GABBR2: variants seen among roughly 807,000 people sequenced by gnomAD.
GABBR2 encodes G-protein coupled receptor 51.
In GABBR2, 23 loss-of-function variants were observed where a neutral mutation model predicts 105.6. That is an observed-to-expected ratio of 0.22 (90% CI 0.16 to 0.31). GABBR2 has a LOEUF of 0.31. GABBR2 is among the 10% of genes least tolerant of loss of function. GABBR2 has a pLI of 1.00. For missense variants in GABBR2, 734 were observed against 1,245.5 expected (o/e 0.59, Z 6.18); for synonymous variants, 478 against 499.7 (o/e 0.96, Z 0.58).
rs146020294 is a variant in GABBR2 at position 98,694,470 on chromosome 9, C to G, written c.321+13947G>C. Among the ~76,000 whole-genome samples the G allele has an allele frequency of 4.9e-3, 746 of 152,320 alleles. 3 individuals are homozygous for G. The highest frequency in any genetic ancestry group is 0.013 in the Admixed American group (194 of 15,304). On this transcript the variant is annotated intron_variant, in intron 1 of 18. Coordinates refer to ENST00000259455, the MANE Select transcript of GABBR2 (RefSeq NM_005458.8). ...TGTTCTAGATTCTTCGGTAAGACAG[C>G]CTGCTAGGGTCACAGAACCTCAGTT...
At chr9:98,380,031 T>A (rs906664924) in intron 11 of GABBR2, among the ~76,000 whole-genome samples, 2 of 152,154 alleles carry the variant, frequency 1.3e-5, no homozygotes, top group African/African-American at 2.4e-5. Context: ...TGCTTTCTAA[T>A]GAAACATCTC....
At chr9:98,607,304 A>C (rs575370595) in intron 1 of GABBR2, 5 of 838,534 alleles carry the variant, frequency 6.0e-6, no homozygotes, top group Non-Finnish European at 1.0e-5. Context: ...ATAACGGTGT[A>C]GCGTTGTTTA....
chr9:98,487,308 C>T (rs546133170), intron 4 of GABBR2, among the ~76,000 whole-genome samples: 2 of 152,188 alleles, frequency 1.3e-5, no homozygotes, highest in South Asian at 4.2e-4. Flanking sequence ...TGGCAGTTCT[C>T]ATCAGGTCTC....
At chr9:98,316,247 G>A (rs1193988351) in intron 13 of GABBR2, among the ~76,000 whole-genome samples, 1 of 152,106 alleles carries the variant, frequency 6.6e-6, no homozygotes, top group African/African-American at 2.4e-5. Flanking sequence ...TGCCTCCTGG[G>A]TTCAAGCGAT....
chr9:98,381,789 G>A (rs533150793), intron 11 of GABBR2, among the ~76,000 whole-genome samples: 60 of 152,238 alleles, frequency 3.9e-4, no homozygotes, highest in African/African-American at 1.4e-3. Context: ...TTTGTAAAGC[G>A]CTTTATGATT....
chr9:98,306,057 G>A lies in GABBR2; in HGVS notation c.2229+64C>T, dbSNP rs1830546042. ...TAAACCTTTTAGAGAATGGAGAAAA[G>A]CCAGCAATGCCCCTGTGCTGGAGTC... is the stretch of plus-strand genomic sequence containing the variant. On this transcript the variant is annotated intron_variant, in intron 15 of 18. Coordinates refer to ENST00000259455, the MANE Select transcript of GABBR2 (RefSeq NM_005458.8). The surrounding 1 kb of genome is among the most constrained non-coding windows in gnomAD (Gnocchi z 5.4). 2 of 1,047,362 alleles carry A rather than the reference G, an allele frequency of 1.9e-6. No homozygotes were observed. Among genetic ancestry groups the A allele is most frequent in the South Asian group, 1.4e-5 (1 of 73,240 alleles). 64.9% of individuals were successfully genotyped at this position (1,047,362 alleles called of 1,614,324 possible). A position where few individuals can be genotyped will look rare whatever the true frequency, so the allele number is the denominator to read the frequency against.
At chr9:98,542,314 C>T (rs1342620187) in intron 2 of GABBR2, among the ~76,000 whole-genome samples, 5 of 152,154 alleles carry the variant, frequency 3.3e-5, no homozygotes, top group African/African-American at 1.2e-4. Flanking sequence ...TATTCCTTCC[C>T]AGTCCTTTTT....
At chr9:98,422,832 A>T (rs945054650) in intron 7 of GABBR2, among the ~76,000 whole-genome samples, 1 of 145,992 alleles carries the variant, frequency 6.8e-6, no homozygotes, top group Non-Finnish European at 1.5e-5. Flanking sequence ...TCACTGTTCA[A>T]TTCCCATCTA....
chr9:98,453,327 C>G (rs1826266914), intron 7 of GABBR2, among the ~76,000 whole-genome samples: 1 of 152,246 alleles, frequency 6.6e-6, no homozygotes, highest in Admixed American at 6.5e-5. Context: ...TGCCCGGCCT[C>G]TATGCCCTTT....
At chr9:98,553,722 A>T (rs1253752924) in intron 2 of GABBR2, among the ~76,000 whole-genome samples, 1 of 152,226 alleles carries the variant, frequency 6.6e-6, no homozygotes, top group African/African-American at 2.4e-5. Flanking sequence ...TTCTTCACTT[A>T]ATGTGCAAAA....
chr9:98,323,947 G>A (rs1039658657), intron 13 of GABBR2, among the ~76,000 whole-genome samples: 12 of 152,198 alleles, frequency 7.9e-5, no homozygotes, highest in African/African-American at 2.9e-4. Context: ...AGCTGAGTGT[G>A]TGCACTCAAT....
At chr9:98,689,994 C>G (rs994829147) in intron 1 of GABBR2, among the ~76,000 whole-genome samples, 1 of 152,204 alleles carries the variant, frequency 6.6e-6, no homozygotes, top group Non-Finnish European at 1.5e-5. Flanking sequence ...ATCTACTGCC[C>G]TATTTCCTCC....
intron 2 of GABBR2, among the ~76,000 whole-genome samples, chr9:98,550,467 A>T (rs1828469453): frequency 6.6e-6 from 1 of 152,200 alleles, no homozygotes; most frequent in Non-Finnish European, 1.5e-5. Flanking sequence ...GTCCAAGATC[A>T]TGCAACTTAG....
chr9:98,463,623 C>G (rs912182741), intron 6 of GABBR2, among the ~76,000 whole-genome samples: 1 of 151,848 alleles, frequency 6.6e-6, no homozygotes, highest in African/African-American at 2.4e-5. Flanking sequence ...CGCTCTCGCT[C>G]TCCGTCTCGC....
chr9:98,375,905 T>C (rs1303566140), intron 11 of GABBR2, among the ~76,000 whole-genome samples: 1 of 152,230 alleles, frequency 6.6e-6, no homozygotes, highest in Non-Finnish European at 1.5e-5. Flanking sequence ...TGTTTTCCAA[T>C]ATGTTACCAC....
At chr9:98,297,632 T>TAAATA (rs1830402634) in intron 17 of GABBR2, among the ~76,000 whole-genome samples, 1 of 142,042 alleles carries the variant, frequency 7.0e-6, no homozygotes, top group Non-Finnish European at 1.5e-5. Context: ...AAAAAATAAA[T>TAAATA]AAATAAAATA....
chr9:98,290,400 G>C lies in GABBR2; in HGVS notation c.*184C>G. ...AATAAGGACTTCACAAATAAGGCTC[G>C]AGGTCAGGTGCCAAGTCTCCCCCTG... On this transcript the variant is annotated 3_prime_UTR_variant, in exon 19 of 19. Transcript: ENST00000259455. 1 of 369,372 alleles carries C rather than the reference G, an allele frequency of 2.7e-6. No homozygotes were observed. The highest frequency in any genetic ancestry group is 4.8e-6 in the Non-Finnish European group (1 of 208,456). 22.9% of individuals were successfully genotyped at this position (369,372 alleles called of 1,614,324 possible). A position where few individuals can be genotyped will look rare whatever the true frequency, so the allele number is the denominator to read the frequency against.
At chr9:98,585,031 C>T (rs183537259) in intron 1 of GABBR2, among the ~76,000 whole-genome samples, 6 of 152,304 alleles carry the variant, frequency 3.9e-5, no homozygotes, top group Admixed American at 3.3e-4. Flanking sequence ...ACCCTTAGCA[C>T]TTCCAATCAT....
chr9:98,336,514 G>C (rs765253360), intron 13 of GABBR2, among the ~76,000 whole-genome samples: 1 of 152,112 alleles, frequency 6.6e-6, no homozygotes, highest in Non-Finnish European at 1.5e-5. Flanking sequence ...GACCAGCCTG[G>C]CCAATATGGT....
Sources: gnomAD v4.1 joint callset for allele counts (sites outside exome capture counted in the v4.1 genomes callset) on GRCh38, gnomAD v4.1.1 for gene constraint, Gnocchi (gnomAD v3.1) non-coding constraint, MANE v1.5 for transcripts, NCBI Gene and HGNC (gene_info 2026-07-23, HGNC 2026-07-21) for gene names.